The following HMCN1 variants were observed in gnomAD, a reference collection of about 807,000 sequenced individuals.
HMCN1 encodes the protein hemicentin-1.
A neutral mutation model predicts 625.9 loss-of-function variants in HMCN1; 321 were observed. The ratio of observed to expected loss-of-function variants is 0.51; its 90% CI spans 0.47 to 0.56. HMCN1 has a LOEUF of 0.56. Among genes scored for constraint, HMCN1 ranks in the 20% least tolerant of loss-of-function variants. HMCN1 has a pLI of 0.00. For synonymous variants in HMCN1, 2,425 were observed against 2,417.6 expected, an observed-to-expected ratio of 1.00 and a Z score of -0.09; for missense variants, 6,588 against 6,887.3, an observed-to-expected ratio of 0.96 and a Z score of 1.54.
intron 1 of HMCN1, among the ~76,000 whole-genome samples, chr1:185,779,755 T>C (rs1656919137): frequency 6.6e-6 from 1 of 152,228 alleles, no homozygotes; most frequent in African/African-American, 2.4e-5. Context: ...TGTAGCCTTG[T>C]AGTATAGTTT....
chr1:185,940,157 G>A (rs1013841450), intron 11 of HMCN1, among the ~76,000 whole-genome samples: 1 of 152,056 alleles, frequency 6.6e-6, no homozygotes, highest in East Asian at 1.9e-4. Flanking sequence ...AATAACTGAG[G>A]TATGGTATCA....
rs11377397 is a variant in HMCN1, at chr1:185,882,350, G to GTT, written c.621+16499_621+16500dup. 1.3e-3 allele frequency among the ~76,000 whole-genome samples: 187 copies of GTT among 143,628 alleles called. 1 individual carries two copies. The highest frequency in any genetic ancestry group is 1.3e-3 in the Non-Finnish European group (86 of 65,120). The allele number at this position is 143,628 out of a possible 152,430, so 94.2% of individuals were successfully genotyped here. A position where few individuals can be genotyped will look rare whatever the true frequency, so the allele number is the denominator to read the frequency against. Reference sequence around the variant, plus strand: ...TTAATGTGTTGTCAAAGAAATGAATGTTTTTTTTTTTTTCAGTTTTAATGT... The same window carrying GTT: ...TTAATGTGTTGTCAAAGAAATGAATGTTTTTTTTTTTTTTTCAGTTTTAATGT... On this transcript the variant is annotated intron_variant, in intron 4 of 106. Coordinates refer to ENST00000271588, the MANE Select transcript of HMCN1 (RefSeq NM_031935.3).
At chr1:185,992,403 A>G (rs1370511931) in intron 22 of HMCN1, among the ~76,000 whole-genome samples, 1 of 152,184 alleles carries the variant, frequency 6.6e-6, no homozygotes, top group Non-Finnish European at 1.5e-5. Context: ...TTGGACTTCA[A>G]TCTATCTGAA....
intron 81 of HMCN1, among the ~76,000 whole-genome samples, chr1:186,124,266 ACT>A (rs775515264): frequency 7.9e-5 from 12 of 151,880 alleles, no homozygotes; most frequent in African/African-American, 1.5e-4. Flanking sequence ...AACTTTAAAC[ACT>A]CTTCTAGCCA....
At chr1:186,001,258 A>C in intron 26 of HMCN1, 40 bp from the exon 27 acceptor site, 5 of 1,565,186 alleles carry the variant, frequency 3.2e-6, no homozygotes, top group Non-Finnish European at 4.4e-6. Context: ...AATAATATTT[A>C]TTATGAAACT....
chr1:185,985,796 C>A (rs1651963418), intron 19 of HMCN1, among the ~76,000 whole-genome samples: 1 of 152,140 alleles, frequency 6.6e-6, no homozygotes, highest in South Asian at 2.1e-4. Context: ...CATTCTGTGT[C>A]TCCATTTTTA....
chr1:185,735,071 T>A (rs1343018777), intron 1 of HMCN1, 24 bp downstream of exon 1: 1 of 1,609,896 alleles, frequency 6.2e-7, no homozygotes, highest in Admixed American at 1.7e-5. Context: ...TTATACTTTG[T>A]CTTTGCTATG....
At chr1:186,175,935 A>G (rs1051974235) in intron 103 of HMCN1, among the ~76,000 whole-genome samples, 9 of 151,740 alleles carry the variant, frequency 5.9e-5, no homozygotes, top group African/African-American at 1.4e-4. Context: ...AGTTAAAGAA[A>G]CTGTCTCAAA....
chr1:186,007,325 A>G (rs1178825352), intron 30 of HMCN1, 43 bp downstream of exon 30: 1 of 1,578,736 alleles, frequency 6.3e-7, no homozygotes. Flanking sequence ...TGCTCTCATT[A>G]TAAGTTGACA....
intron 1 of HMCN1, among the ~76,000 whole-genome samples, chr1:185,822,974 A>G (rs1369055300): frequency 1.3e-5 from 2 of 152,146 alleles, no homozygotes; most frequent in Admixed American, 6.5e-5. Flanking sequence ...AAAATTTGAT[A>G]TATTTCACTC....
chr1:185,862,947 C>T lies in HMCN1; in HGVS notation c.340-1523C>T, dbSNP rs114990509. ...ATGCTCAAAGGCTGTAAGTTTTGAT[C>T]GGGATCCAGTACAAGAAAAGATTCT... On this transcript the variant is annotated intron_variant, in intron 2 of 106. Transcript: ENST00000271588. 7.9e-4 allele frequency among the ~76,000 whole-genome samples: 121 copies of T among 152,218 alleles called. 1 individual carries two copies. Among genetic ancestry groups the T allele is most frequent in the South Asian group, 4.1e-4 (2 of 4,822 alleles).
At chr1:185,741,909 G>A (rs2102069969) in intron 1 of HMCN1, among the ~76,000 whole-genome samples, 1 of 152,310 alleles carries the variant, frequency 6.6e-6, no homozygotes, top group Non-Finnish European at 1.5e-5. Flanking sequence ...CTTTGTTCAT[G>A]AGGCTAAAAC....
At chr1:185,995,833 C>T (rs1248522741) in intron 24 of HMCN1, among the ~76,000 whole-genome samples, 2 of 152,070 alleles carry the variant, frequency 1.3e-5, no homozygotes, top group Non-Finnish European at 2.9e-5. Flanking sequence ...GGGGGAAGAG[C>T]ATTCTTGTCA....
chr1:186,151,656 A>G lies in HMCN1; in HGVS notation c.14809A>G (p.Thr4937Ala). The change falls in exon 95 of 107, where the codon ACA becomes GCA. Residue 4937 changes from threonine to alanine, a missense_variant. This residue lies in a region of HMCN1 where 1,954 missense variants were observed against 2,013.1 expected (regional missense o/e 0.97). Transcript: ENST00000271588. ...TATTCTAAATCCCATTTATTGGACA[A>G]CAGCAAAGGAAATAGGAGAAGCAGT... Reference protein sequence around the residue: ...VSILNPIYWTTAKEIGEAVNG... With the variant: ...VSILNPIYWTAAKEIGEAVNG... 6.2e-7 allele frequency: 1 copy of G among 1,612,800 alleles called. No homozygotes were observed. The highest frequency in any genetic ancestry group is 8.5e-7 in the Non-Finnish European group (1 of 1,178,836).
intron 4 of HMCN1, among the ~76,000 whole-genome samples, chr1:185,878,149 A>T (rs911039327): frequency 1.3e-5 from 2 of 152,180 alleles, no homozygotes; most frequent in Admixed American, 6.5e-5. Flanking sequence ...CAAGTCTAGG[A>T]GTCTTTAGAG....
At chr1:186,108,646 TA>T (rs1224257300) in intron 71 of HMCN1, 49 bp downstream of exon 71, 2 of 1,608,138 alleles carry the variant, frequency 1.2e-6, no homozygotes, top group Non-Finnish European at 1.7e-6. Context: ...ATGAAAAAAG[TA>T]AAAAAATCAG....
chr1:186,166,093 C>T (rs1651859187), intron 98 of HMCN1, 91 bp from the exon 99 acceptor site: 7 of 1,396,340 alleles, frequency 5.0e-6, no homozygotes, highest in Non-Finnish European at 7.0e-6. Context: ...ACTTCTTGGC[C>T]TCTATAAGCA....
chr1:185,865,075 T>G (rs1663096813), intron 3 of HMCN1, among the ~76,000 whole-genome samples: 2 of 152,240 alleles, frequency 1.3e-5, no homozygotes. Flanking sequence ...AGAGCTCAGT[T>G]GATCTAGGCC....
chr1:185,836,739 G>T (rs1207963505), intron 1 of HMCN1, among the ~76,000 whole-genome samples: 1 of 152,048 alleles, frequency 6.6e-6, no homozygotes, highest in Non-Finnish European at 1.5e-5. Flanking sequence ...CGGGTGATAA[G>T]CATAGTACCC....
Sources: gnomAD v4.1 joint callset for allele counts (sites outside exome capture counted in the v4.1 genomes callset) on GRCh38, gnomAD v4.1.1 for gene constraint, gnomAD v4.1.1 regional missense constraint, MANE v1.5 for transcripts, NCBI Gene and HGNC (gene_info 2026-07-23, HGNC 2026-07-21) for gene names.